NAA60: variants seen among roughly 807,000 people sequenced by gnomAD.
The protein encoded by NAA60 is N-alpha-acetyltransferase 60, NatF catalytic subunit, also known as N-alpha-acetyltransferase 60.
A neutral mutation model predicts 26.1 loss-of-function variants in NAA60; 8 were observed. That is an observed-to-expected ratio of 0.31 (90% CI 0.18 to 0.55). The LOEUF (loss-of-function observed/expected upper bound fraction) is 0.55. NAA60 is among the 20% of genes least tolerant of loss of function. The pLI, the probability that NAA60 is intolerant of heterozygous loss-of-function variation, is 0.93. For missense variants in NAA60, 290 were observed against 311.3 expected, an observed-to-expected ratio of 0.93 and a Z score of 0.51; for synonymous variants, 131 against 122.5, an observed-to-expected ratio of 1.07 and a Z score of -0.46.
At chr16:3,468,759 A>C (rs1325650002) in intron 2 of NAA60, among the ~76,000 whole-genome samples, 7 of 152,162 alleles carry the variant, frequency 4.6e-5, no homozygotes, top group Admixed American at 4.6e-4. Context: ...CGAGCCTTTG[A>C]AGCTCCAGGT....
chr16:3,458,281 GC>G, intron 2 of NAA60: 2 of 779,674 alleles, frequency 2.6e-6, no homozygotes, highest in Non-Finnish European at 3.1e-6. Context: ...GGGGGCCAGC[GC>G]CCACCGGGTA....
At chr16:3,476,375 G>T in intron 3 of NAA60, 38 bp downstream of exon 3, 1 of 1,568,002 alleles carries the variant, frequency 6.4e-7, no homozygotes, top group Non-Finnish European at 8.8e-7. Flanking sequence ...GAGAGCCCGT[G>T]AGCCTCAGGT....
intron 2 of NAA60, among the ~76,000 whole-genome samples, chr16:3,464,803 A>G (rs1420379608): frequency 6.6e-6 from 1 of 152,228 alleles, no homozygotes; most frequent in Non-Finnish European, 1.5e-5. Flanking sequence ...GGCACAACCT[A>G]TCAGGCGGTT....
intron 2 of NAA60, chr16:3,468,119 A>C (rs972616710): frequency 5.9e-5 from 9 of 152,174 alleles, no homozygotes; most frequent in African/African-American, 2.2e-4. Context: ...ATCCTATGCA[A>C]ATATCTGATT....
In NAA60 at chr16:3,463,270, G is replaced by A. The variant is rs1017871418; in HGVS notation, c.-6-12952G>A. On this transcript the variant is annotated intron_variant, in intron 2 of 7. Coordinates refer to ENST00000407558, the MANE Select transcript of NAA60 (RefSeq NM_001083601.3). ...TAATATAAAAATGCAAGCTGAGGCC[G>A]GGCCCGGTGGCTCATGCCTATAATC... 6.6e-5 allele frequency among the ~76,000 whole-genome samples: 10 copies of A among 152,016 alleles called. No homozygotes were observed. In the East Asian group the frequency reaches 7.7e-4, roughly 12 times the overall value.
chr16:3,485,516 G>A lies in NAA60; in HGVS notation c.*256G>A, dbSNP rs745523600. The A allele has an allele frequency of 2.2e-6, 1 of 455,814 alleles. No homozygotes were observed. Among genetic ancestry groups the A allele is most frequent in the South Asian group, 1.6e-5 (1 of 64,394 alleles). The allele number at this position is 455,814 out of a possible 1,614,324, so 28.2% of individuals were successfully genotyped here. A position where few individuals can be genotyped will look rare whatever the true frequency, so the allele number is the denominator to read the frequency against. ...CTGGAAACCTCTGCCTGCTGCCCTG[G>A]CCCTGCCCCCCTGCGCATGCACCGT... On this transcript the variant is annotated 3_prime_UTR_variant, in exon 8 of 8. Transcript: ENST00000407558.
At chr16:3,464,882 C>T (rs1401350070) in intron 2 of NAA60, among the ~76,000 whole-genome samples, 2 of 152,174 alleles carry the variant, frequency 1.3e-5, no homozygotes, top group Non-Finnish European at 2.9e-5. Flanking sequence ...CCTGTTGGCT[C>T]CGTCCAGCCC....
intron 2 of NAA60, among the ~76,000 whole-genome samples, chr16:3,475,496 C>G (rs547368825): frequency 2.1e-4 from 32 of 152,276 alleles, no homozygotes; most frequent in African/African-American, 7.2e-4. Flanking sequence ...CCCTCCATTC[C>G]TCTCTTCCTT....
chr16:3,457,446 C>A (rs768244204), intron 2 of NAA60, among the ~76,000 whole-genome samples: 31 of 152,206 alleles, frequency 2.0e-4, no homozygotes, highest in Non-Finnish European at 3.7e-4. Flanking sequence ...CCTGTCTCAA[C>A]AACAAAAACT....
chr16:3,461,689 T>G (rs1182679078), intron 2 of NAA60, among the ~76,000 whole-genome samples: 2 of 152,152 alleles, frequency 1.3e-5, no homozygotes, highest in East Asian at 3.8e-4. Flanking sequence ...GATTTAAAGT[T>G]GCAATGAAGA....
In NAA60 at chr16:3,485,538, C is replaced by A; in HGVS notation, c.*278C>A. ...CTGGCCCTGCCCCCCTGCGCATGCA[C>A]CGTCCCCAGGGCTGACCCAGTGTGG... On this transcript the variant is annotated 3_prime_UTR_variant, in exon 8 of 8. Coordinates refer to ENST00000407558, the MANE Select transcript of NAA60 (RefSeq NM_001083601.3). The A allele has an allele frequency of 2.2e-6, 1 of 455,312 alleles. No individual in the cohort carries two copies. Among genetic ancestry groups the A allele is most frequent in the Non-Finnish European group, 4.4e-6 (1 of 226,186 alleles). 28.2% of individuals were successfully genotyped at this position (455,312 alleles called of 1,614,324 possible).
In NAA60 at chr16:3,486,207, G is replaced by T. The variant is rs968093428; in HGVS notation, c.*947G>T. 1 of 158,576 alleles carries T rather than the reference G, an allele frequency of 6.3e-6. No individual in the cohort carries two copies. The highest frequency in any genetic ancestry group is 5.9e-5 in the Admixed American group (1 of 17,048). The allele number at this position is 158,576 out of a possible 1,614,324, so 9.8% of individuals were successfully genotyped here. On this transcript the variant is annotated 3_prime_UTR_variant, in exon 8 of 8. Coordinates refer to ENST00000407558, the MANE Select transcript of NAA60 (RefSeq NM_001083601.3). Reference sequence around the variant, plus strand: ...TGCCTTGTGGGCCCTCAGCCTCTGAGGGCAGAGATGCTGTCAGTGCCGCAG... The same window carrying T: ...TGCCTTGTGGGCCCTCAGCCTCTGATGGCAGAGATGCTGTCAGTGCCGCAG...
In NAA60 at chr16:3,480,097, T is replaced by A. The variant is rs138806277; in HGVS notation, c.240+497T>A. On this transcript the variant is annotated intron_variant, in intron 4 of 7. Coordinates refer to ENST00000407558, the MANE Select transcript of NAA60 (RefSeq NM_001083601.3). ...GACCCACCTCAGTCTCACTTCAGGC[T>A]AGCAAACCCCAGTCTGAATGTAAAC... Among the ~76,000 whole-genome samples the A allele has an allele frequency of 1.2e-3, 190 of 152,306 alleles. 1 individual carries two copies. The highest frequency in any genetic ancestry group is 4.3e-3 in the African/African-American group (179 of 41,570).
chr16:3,467,309 G>T (rs1342990536), intron 2 of NAA60, among the ~76,000 whole-genome samples: 11 of 152,138 alleles, frequency 7.2e-5, no homozygotes. Flanking sequence ...GTAGGGACTG[G>T]CAGGGAGGAG....
chr16:3,484,004 G>T (rs1034037837), intron 6 of NAA60, among the ~76,000 whole-genome samples: 1 of 152,140 alleles, frequency 6.6e-6, no homozygotes, highest in African/African-American at 2.4e-5. Context: ...GGAGAGAAGA[G>T]ATTTTTACTT....
intron 2 of NAA60, among the ~76,000 whole-genome samples, chr16:3,465,206 G>A (rs2035665259): frequency 6.6e-6 from 1 of 151,220 alleles, no homozygotes; most frequent in Admixed American, 6.6e-5. Context: ...GGCGGAGCTT[G>A]CAGTGAGCCG....
intron 2 of NAA60, among the ~76,000 whole-genome samples, chr16:3,456,334 G>A (rs1031462710): frequency 6.6e-6 from 1 of 152,178 alleles, no homozygotes; most frequent in Non-Finnish European, 1.5e-5. Flanking sequence ...ACTGCACTGA[G>A]TAGCAGGCAC....
intron 2 of NAA60, chr16:3,467,986 C>G (rs796899503): frequency 6.6e-6 from 1 of 152,170 alleles, no homozygotes; most frequent in Non-Finnish European, 1.5e-5. Flanking sequence ...GGTTTAAATA[C>G]CCTCTAGAGG....
Position 3,462,378 on chromosome 16 carries a change from G to A in NAA60, c.-7+13838G>A, listed in dbSNP as rs148053115. The stretch of plus-strand genomic sequence containing the variant: ...CCTCATTCCTTTGGTGTTCATGGGT[G>A]TTCTATTGAATGCTGTTCCATTCTT... On this transcript the variant is annotated intron_variant, in intron 2 of 7. Coordinates refer to ENST00000407558, the MANE Select transcript of NAA60 (RefSeq NM_001083601.3). Among the ~76,000 whole-genome samples the A allele has an allele frequency of 2.0e-3, 299 of 152,280 alleles. 1 individual carries two copies. The highest frequency in any genetic ancestry group is 9.1e-3 in the South Asian group (44 of 4,830).
Sources: allele counts gnomAD v4.1 joint callset (sites outside exome capture counted in the v4.1 genomes callset), GRCh38; gene constraint gnomAD v4.1.1; transcripts MANE v1.5; gene names NCBI Gene and HGNC (gene_info 2026-07-23, HGNC 2026-07-21).